The following ARL8B variants were observed in gnomAD, a reference collection of about 807,000 sequenced individuals.
ARL8B encodes the protein ARF like GTPase 8B, also known as ADP-ribosylation factor-like protein 8B.
A neutral mutation model predicts 30.6 loss-of-function variants in ARL8B; 9 were observed. That is an observed-to-expected ratio of 0.29 (90% CI 0.18 to 0.51). The LOEUF (loss-of-function observed/expected upper bound fraction) is 0.51, where lower values mean the gene tolerates loss of function less well. ARL8B is among the 20% of genes least tolerant of loss of function. ARL8B has a pLI of 0.97. For missense variants in ARL8B, 130 were observed against 227.2 expected (o/e 0.57, Z 2.75); for synonymous variants, 74 against 76.0 (o/e 0.97, Z 0.14).
At chr3:5,150,015 T>G (rs565237697) in intron 1 of ARL8B, among the ~76,000 whole-genome samples, 1 of 152,228 alleles carries the variant, frequency 6.6e-6, no homozygotes, top group Non-Finnish European at 1.5e-5. Context: ...CTTATATCAT[T>G]GTACTTGTTT....
intron 1 of ARL8B, among the ~76,000 whole-genome samples, chr3:5,123,607 C>T (rs374296820): frequency 6.6e-6 from 1 of 152,156 alleles, no homozygotes; most frequent in South Asian, 2.1e-4. Context: ...AGAGAGATGG[C>T]AGCAGTTCTT....
intron 1 of ARL8B, among the ~76,000 whole-genome samples, chr3:5,130,382 C>G (rs1053827080): frequency 7.2e-5 from 11 of 151,994 alleles, no homozygotes; most frequent in African/African-American, 2.4e-4. Context: ...AATATAAATA[C>G]AGCTCATCCC....
At chr3:5,129,192 CAGAT>C (rs1234246410) in intron 1 of ARL8B, among the ~76,000 whole-genome samples, 1 of 125,840 alleles carries the variant, frequency 7.9e-6, no homozygotes, top group East Asian at 2.2e-4. Context: ...TTTGTTTTTC[CAGAT>C]AGAGTCTCGC....
intron 1 of ARL8B, among the ~76,000 whole-genome samples, chr3:5,151,721 ACCC>A (rs555488645): frequency 2.4e-5 from 2 of 81,644 alleles, no homozygotes; most frequent in Non-Finnish European, 4.9e-5. Flanking sequence ...TTCTCCCCCC[ACCC>A]CCCCCCTTGG....
intron 1 of ARL8B, among the ~76,000 whole-genome samples, chr3:5,155,272 G>C (rs1012852091): frequency 6.6e-6 from 1 of 152,116 alleles, no homozygotes; most frequent in African/African-American, 2.4e-5. Context: ...TGATAAATCT[G>C]CTGCTACTAT....
intron 1 of ARL8B, among the ~76,000 whole-genome samples, chr3:5,159,621 A>AAAAAG (rs1382960845): frequency 2.7e-5 from 4 of 150,652 alleles, no homozygotes; most frequent in African/African-American, 9.8e-5. Context: ...AAAAAAAAAA[A>AAAAAG]AAAAGAGAAA....
At chr3:5,123,051 A>G (rs565731814) in intron 1 of ARL8B, among the ~76,000 whole-genome samples, 287 of 152,252 alleles carry the variant, frequency 1.9e-3, no homozygotes, top group African/African-American at 6.4e-3. Flanking sequence ...CTTTGGACCA[A>G]TAGACCCATT....
chr3:5,153,929 T>C (rs1575567853), intron 1 of ARL8B, among the ~76,000 whole-genome samples: 1 of 58,240 alleles, frequency 1.7e-5, no homozygotes, highest in Admixed American at 1.4e-4. Context: ...ACTGATAGTC[T>C]TTTTTTTTTT....
At chr3:5,161,319 A>G (rs1239623642) in intron 1 of ARL8B, among the ~76,000 whole-genome samples, 6 of 152,122 alleles carry the variant, frequency 3.9e-5, no homozygotes, top group Admixed American at 3.3e-4. Context: ...CAAAACAAAA[A>G]CCCAGCAATA....
rs559416959 is a variant in ARL8B at position 5,122,343 on chromosome 3, G to A, written c.-123G>A. 8.4e-6 allele frequency: 13 copies of A among 1,543,654 alleles called. No homozygotes were observed. In the African/African-American group the frequency reaches 1.1e-4, roughly 13 times the overall value. ...TGGCTGCTGCCGCCCGCCGGTGTCCGCCCGTGTCGCGCCGGGGCACCAAGG... is the reference window on the plus strand; with the variant it reads ...TGGCTGCTGCCGCCCGCCGGTGTCCACCCGTGTCGCGCCGGGGCACCAAGG... On this transcript the variant is annotated 5_prime_UTR_variant, in exon 1 of 7. Coordinates refer to ENST00000256496, the MANE Select transcript of ARL8B (RefSeq NM_018184.3).
At position 5,161,852 on chromosome 3, in the gene ARL8B, A is replaced by G. The variant is rs2054587325; in HGVS notation, c.124-8651A>G. ...GCCTTCTTGGATACTCAATCACCTCATACAGTCTCCTCTGTTTTGCATAGC... is the reference window on the plus strand; with the variant it reads ...GCCTTCTTGGATACTCAATCACCTCGTACAGTCTCCTCTGTTTTGCATAGC... On this transcript the variant is annotated intron_variant, in intron 1 of 6. Coordinates refer to ENST00000256496, the MANE Select transcript of ARL8B (RefSeq NM_018184.3). Among the ~76,000 whole-genome samples, 3 of 152,186 alleles carry G rather than the reference A, an allele frequency of 2.0e-5. No homozygotes were observed. In the South Asian group the frequency reaches 6.2e-4, roughly 31 times the overall value.
chr3:5,162,802 G>A lies in ARL8B; in HGVS notation c.124-7701G>A, dbSNP rs572604559. ...ACTATGGATTCAGTGGAACATGGGC[G>A]GGTCTGTTCCATGGGTATATTTTGT... On this transcript the variant is annotated intron_variant, in intron 1 of 6. Transcript: ENST00000256496. 7.2e-5 allele frequency among the ~76,000 whole-genome samples: 11 copies of A among 152,152 alleles called. No homozygotes were observed. The South Asian group carries it at 1.5e-3, about 20-fold the overall frequency.
At chr3:5,172,959 G>A (rs977179413) in intron 4 of ARL8B, among the ~76,000 whole-genome samples, 2 of 152,184 alleles carry the variant, frequency 1.3e-5, no homozygotes, top group African/African-American at 4.8e-5. Flanking sequence ...CAGGAGCAGT[G>A]CGTAGGCCCA....
chr3:5,170,877 T>C (rs1200237762), intron 2 of ARL8B: 1 of 231,528 alleles, frequency 4.3e-6, no homozygotes, highest in Non-Finnish European at 8.6e-6. Context: ...ATGACAGGCT[T>C]GTGCCACCAC....
chr3:5,159,596 C>G (rs1159809283), intron 1 of ARL8B, among the ~76,000 whole-genome samples: 3 of 122,292 alleles, frequency 2.5e-5, no homozygotes, highest in Non-Finnish European at 4.9e-5. Context: ...GAATGAAACT[C>G]CGTCTCAAAA....
At chr3:5,127,629 G>T (rs192888384) in intron 1 of ARL8B, among the ~76,000 whole-genome samples, 1 of 152,208 alleles carries the variant, frequency 6.6e-6, no homozygotes, top group East Asian at 1.9e-4. Flanking sequence ...TTACTGAGTT[G>T]TTGAACTACT....
chr3:5,174,623 A>G (rs2054708876), intron 6 of ARL8B, among the ~76,000 whole-genome samples: 1 of 147,804 alleles, frequency 6.8e-6, no homozygotes, highest in South Asian at 2.1e-4. Context: ...TTGAAATTGC[A>G]ATGTTATCTC....
At chr3:5,167,205 T>C (rs1377625383) in intron 1 of ARL8B, among the ~76,000 whole-genome samples, 1 of 152,218 alleles carries the variant, frequency 6.6e-6, no homozygotes. Context: ...AGGGTAAGCA[T>C]TATGACAGTG....
At chr3:5,137,072 T>TA (rs1366333658) in intron 1 of ARL8B, among the ~76,000 whole-genome samples, 1 of 152,124 alleles carries the variant, frequency 6.6e-6, no homozygotes, top group African/African-American at 2.4e-5. Flanking sequence ...AGGGTAATGT[T>TA]TAAGTATGTG....
Sources: allele counts gnomAD v4.1 joint callset (sites outside exome capture counted in the v4.1 genomes callset), GRCh38; gene constraint gnomAD v4.1.1; transcripts MANE v1.5; gene names NCBI Gene and HGNC (gene_info 2026-07-23, HGNC 2026-07-21).